The following ANK2 variants were observed in gnomAD, a reference collection of about 807,000 sequenced individuals.
The protein encoded by ANK2 is ankyrin-2.
ANK2 carries 83 observed loss-of-function variants against 360.5 expected under a neutral mutation model. The ratio of observed to expected loss-of-function variants is 0.23; its 90% confidence interval spans 0.19 to 0.28. The LOEUF is 0.28. Ranked by LOEUF, ANK2 falls within the 10% of genes least tolerant of loss-of-function variation. ANK2 has a pLI of 1.00. For synonymous variants in ANK2, 1,740 were observed against 1,759.5 expected (o/e 0.99, Z 0.28); for missense variants, 4,201 against 4,795.7 (o/e 0.88, Z 3.66).
At chr4:113,361,435 A>G (rs1192606405) in intron 39 of ANK2, among the ~76,000 whole-genome samples, 2 of 152,068 alleles carry the variant, frequency 1.3e-5, no homozygotes, top group African/African-American at 4.8e-5. Flanking sequence ...GAATTCTAAA[A>G]TCAATATACT....
intron 1 of ANK2, among the ~76,000 whole-genome samples, chr4:112,869,918 G>A (rs1335838620): frequency 6.6e-6 from 1 of 152,124 alleles, no homozygotes; most frequent in Admixed American, 6.6e-5. Context: ...CTGGACTGAA[G>A]TGATCCACCC....
At chr4:112,961,621 T>C (rs897153768) in intron 2 of ANK2, among the ~76,000 whole-genome samples, 2 of 152,152 alleles carry the variant, frequency 1.3e-5, no homozygotes, top group South Asian at 2.1e-4. Context: ...TTATGACTTA[T>C]ATGAACAGAA....
intron 9 of ANK2, among the ~76,000 whole-genome samples, chr4:113,244,740 T>G (rs1380625832): frequency 6.6e-6 from 1 of 152,084 alleles, no homozygotes; most frequent in South Asian, 2.1e-4. Context: ...CTACAATAGG[T>G]ATTTCTCCTA....
chr4:112,845,058 A>G (rs2062986465), intron 1 of ANK2, among the ~76,000 whole-genome samples: 1 of 152,226 alleles, frequency 6.6e-6, no homozygotes, highest in Non-Finnish European at 1.5e-5. Context: ...TAACTTAAAT[A>G]AGAAGTACAG....
In ANK2 at chr4:112,825,176, C is replaced by T. The variant is rs141398611; in HGVS notation, c.-40+6912C>T. 2.2e-3 allele frequency among the ~76,000 whole-genome samples: 337 copies of T among 152,060 alleles called. 1 individual carries two copies. Among genetic ancestry groups the T allele is most frequent in the African/African-American group, 7.5e-3 (309 of 41,470 alleles). On this transcript the variant is annotated intron_variant, in intron 1 of 30. Coordinates refer to the ANK2 transcript ENST00000503271. ...GACACAGGGTGGGGAACATCACATA[C>T]CAGGCCTGTCATGGGGTGGGGAGAG...
chr4:112,757,308 C>T, the ANK2 span, among the ~76,000 whole-genome samples: 3 of 151,800 alleles, frequency 2.0e-5, no homozygotes, highest in East Asian at 1.9e-4. Flanking sequence ...TTAGTAGAGA[C>T]GGGGTTTCAC....
Position 113,205,130 on chromosome 4 carries a change from G to A in ANK2, c.384+6021G>A, listed in dbSNP as rs867256730. 2.0e-5 allele frequency among the ~76,000 whole-genome samples: 3 copies of A among 151,438 alleles called. 1 individual carries two copies. Among genetic ancestry groups the A allele is most frequent in the African/African-American group, 7.3e-5 (3 of 41,296 alleles). On this transcript the variant is annotated intron_variant, in intron 4 of 45. Coordinates refer to ENST00000357077, the MANE Select transcript of ANK2 (RefSeq NM_001148.6). ...GGGCTCCTGTAGTCCCAGCTACTTG[G>A]GAGGCTGAGGCAGGAGAATGGCGTG...
chr4:113,321,312 T>C (rs1019504733), intron 26 of ANK2, among the ~76,000 whole-genome samples: 1 of 152,256 alleles, frequency 6.6e-6, no homozygotes, highest in Non-Finnish European at 1.5e-5. Flanking sequence ...ATGTTCTAGA[T>C]CTTTCACAAA....
At position 113,250,760 on chromosome 4, in the gene ANK2, C is replaced by CG. The variant is rs1554340154; in HGVS notation, c.990+898_990+899insG. Among the ~76,000 whole-genome samples, 6 of 136,710 alleles carry CG rather than the reference C, an allele frequency of 4.4e-5. 1 individual carries two copies. Among genetic ancestry groups the CG allele is most frequent in the Admixed American group, 2.9e-4 (4 of 13,726 alleles). The allele number at this position is 136,710 out of a possible 152,430, so 89.7% of individuals were successfully genotyped here. ...CCATTCCACCTCATACCACCGCCCC[C>CG]CCCCCCGACAGAGTTGGTATCAACT... is the stretch of plus-strand genomic sequence containing the variant. On this transcript the variant is annotated intron_variant, in intron 10 of 45. Transcript: ENST00000357077.
chr4:112,867,038 T>C (rs1415325843), intron 1 of ANK2, among the ~76,000 whole-genome samples: 2 of 152,102 alleles, frequency 1.3e-5, no homozygotes, highest in African/African-American at 2.4e-5. Context: ...TAGTTTCTTC[T>C]TGAATACACT....
At chr4:113,094,829 G>C (rs2090295469) in intron 1 of ANK2, among the ~76,000 whole-genome samples, 1 of 152,154 alleles carries the variant, frequency 6.6e-6, no homozygotes. Flanking sequence ...AATTAAGTTA[G>C]ATTTGTGTAT....
At chr4:112,940,933 C>T (rs565170013) in intron 2 of ANK2, among the ~76,000 whole-genome samples, 1 of 152,056 alleles carries the variant, frequency 6.6e-6, no homozygotes, top group Non-Finnish European at 1.5e-5. Flanking sequence ...CTATTAAAAA[C>T]TTAACATCTA....
chr4:113,341,505 A>T (rs2094297075), intron 32 of ANK2, among the ~76,000 whole-genome samples, 183 bp from the exon 33 acceptor site: 2 of 151,686 alleles, frequency 1.3e-5, no homozygotes, highest in Admixed American at 6.6e-5. Context: ...CTTTCCTCCT[A>T]CCTTTCCTTT....
intron 2 of ANK2, among the ~76,000 whole-genome samples, chr4:112,964,023 C>T (rs995314988): frequency 1.3e-5 from 2 of 150,902 alleles, no homozygotes; most frequent in Non-Finnish European, 2.9e-5. Context: ...TATAATAAAA[C>T]ATGACTTTTT....
At chr4:113,336,092 G>T in intron 30 of ANK2, 35 bp downstream of exon 30, 1 of 1,601,440 alleles carries the variant, frequency 6.2e-7, no homozygotes, top group Non-Finnish European at 8.5e-7. Context: ...ATCCTAACAG[G>T]ATTGTATTCT....
At chr4:113,227,132 G>A (rs965344502) in intron 4 of ANK2, among the ~76,000 whole-genome samples, 10 of 152,112 alleles carry the variant, frequency 6.6e-5, no homozygotes, top group Non-Finnish European at 1.0e-4. Flanking sequence ...ATTACCCAGA[G>A]GCATGTTTCA....
chr4:113,021,530 C>CCCCCCCCA (rs1554056650), intron 2 of ANK2, among the ~76,000 whole-genome samples: 3 of 13,084 alleles, frequency 2.3e-4, no homozygotes, highest in African/African-American at 6.9e-4. Context: ...ACACACACAC[C>CCCCCCCCA]CACACACAAA....
intron 1 of ANK2, among the ~76,000 whole-genome samples, chr4:113,132,425 T>C (rs1416035688): frequency 1.3e-5 from 2 of 152,202 alleles, no homozygotes; most frequent in Non-Finnish European, 2.9e-5. Context: ...TTGAATAAAA[T>C]TTGACTAAGG....
At chr4:113,171,864 T>C (rs2097970577) in intron 1 of ANK2, among the ~76,000 whole-genome samples, 1 of 152,158 alleles carries the variant, frequency 6.6e-6, no homozygotes, top group Non-Finnish European at 1.5e-5. Flanking sequence ...TCCTCAGCAA[T>C]ACCTGAGGCC....
Sources: gnomAD v4.1 joint callset for allele counts (sites outside exome capture counted in the v4.1 genomes callset) on GRCh38, gnomAD v4.1.1 for gene constraint, MANE v1.5 for transcripts, NCBI Gene and HGNC (gene_info 2026-07-23, HGNC 2026-07-21) for gene names.